PEAK1: variants seen among roughly 807,000 people sequenced by gnomAD.
The protein encoded by PEAK1 is pseudopodium enriched atypical kinase 1.
A neutral mutation model predicts 124.7 loss-of-function variants in PEAK1; 54 were observed. That is an observed-to-expected ratio of 0.43 (90% CI 0.35 to 0.54). PEAK1 has a LOEUF of 0.54. PEAK1 is among the 20% of genes least tolerant of loss of function. The probability of loss-of-function intolerance (pLI) is 0.01; values close to 1 mark genes in which losing one functional copy is unlikely to be tolerated. For missense variants in PEAK1, 2,046 were observed against 2,134.5 expected (o/e 0.96, Z 0.82); for synonymous variants, 719 against 760.0 (o/e 0.95, Z 0.89).
chr15:77,289,723 C>G (rs2063116194), intron 2 of PEAK1, among the ~76,000 whole-genome samples: 1 of 152,072 alleles, frequency 6.6e-6, no homozygotes, highest in South Asian at 2.1e-4. Flanking sequence ...GTAATCCCAG[C>G]TACTCAGGAG....
intron 7 of PEAK1, among the ~76,000 whole-genome samples, chr15:77,166,556 A>C (rs1457905500): frequency 6.6e-6 from 1 of 152,228 alleles, no homozygotes; most frequent in African/African-American, 2.4e-5. Flanking sequence ...GACATTGTCA[A>C]ATGTGCCCCG....
At chr15:77,305,069 G>A (rs2064008229) in intron 2 of PEAK1, among the ~76,000 whole-genome samples, 1 of 151,528 alleles carries the variant, frequency 6.6e-6, no homozygotes, top group Non-Finnish European at 1.5e-5. Flanking sequence ...CTTGAGCCCA[G>A]GAGGTTGAGG....
chr15:77,331,058 T>C (rs917992771), intron 2 of PEAK1: 2 of 834,534 alleles, frequency 2.4e-6, no homozygotes, highest in Non-Finnish European at 2.9e-6. Flanking sequence ...AATTATTGCA[T>C]AGCATTCCAT....
At chr15:77,164,025 C>A (rs1019279004) in intron 7 of PEAK1, among the ~76,000 whole-genome samples, 2 of 152,262 alleles carry the variant, frequency 1.3e-5, no homozygotes, top group African/African-American at 4.8e-5. Context: ...TCAAAGTTAT[C>A]AAATCTCACA....
chr15:77,101,573 T>A (rs373894630), exon 7 of PEAK1: 1 of 152,116 alleles, frequency 6.6e-6, no homozygotes, highest in Non-Finnish European at 1.5e-5. Flanking sequence ...GGAATCCCCA[T>A]CAAAACCAAG....
chr15:77,367,350 G>A (rs2068321744), intron 1 of PEAK1, among the ~76,000 whole-genome samples: 1 of 152,066 alleles, frequency 6.6e-6, no homozygotes, highest in South Asian at 2.1e-4. Context: ...ACAGAAAGTA[G>A]GTAAGTTATT....
At chr15:77,248,733 AAG>A (rs1254665952) in intron 6 of PEAK1, among the ~76,000 whole-genome samples, 2 of 152,240 alleles carry the variant, frequency 1.3e-5, no homozygotes, top group East Asian at 3.8e-4. Flanking sequence ...CCAATGGACT[AAG>A]AATATTAAAA....
intron 2 of PEAK1, among the ~76,000 whole-genome samples, chr15:77,356,181 G>T (rs1445169047): frequency 6.6e-6 from 1 of 152,168 alleles, no homozygotes; most frequent in East Asian, 1.9e-4. Context: ...AATTTTTACA[G>T]CAGAGTAGCT....
At chr15:77,330,777 C>T (rs1386258222) in intron 2 of PEAK1, 2 of 152,676 alleles carry the variant, frequency 1.3e-5, no homozygotes, top group East Asian at 3.8e-4. Flanking sequence ...TGCACCTTAT[C>T]ACCCTACTCT....
intron 6 of PEAK1, among the ~76,000 whole-genome samples, chr15:77,202,626 T>TAC (rs2058420422): frequency 1.3e-5 from 2 of 151,164 alleles, no homozygotes; most frequent in Admixed American, 1.3e-4. Context: ...AAAAAATAGC[T>TAC]GGGCATGGTG....
Position 77,181,365 on chromosome 15 carries a change from A to G in PEAK1, c.562T>C (p.Leu188=). ...CAACTTGGTGGAAGCTTTCTTTCCA[A>G]TGATCGTTTATAGCAATCATTTATT... ...GRINDCYKRS[L]ERKLPPSCMI... The change falls in exon 7 of 10, where the codon TTG becomes CTG. Residue 188 remains leucine, a synonymous_variant. Coordinates refer to ENST00000682557, the MANE Select transcript of PEAK1 (RefSeq NM_001385026.1). 1 of 1,614,084 alleles carries G rather than the reference A, an allele frequency of 6.2e-7. No individual in the cohort carries two copies. The highest frequency in any genetic ancestry group is 8.5e-7 in the Non-Finnish European group (1 of 1,180,008).
chr15:77,409,869 T>C (rs1178256869), intron 1 of PEAK1, among the ~76,000 whole-genome samples: 1 of 152,196 alleles, frequency 6.6e-6, no homozygotes, highest in Non-Finnish European at 1.5e-5. Flanking sequence ...ATTATCCTTA[T>C]TTTACAAATG....
At chr15:77,199,814 G>A (rs1346197550) in intron 6 of PEAK1, among the ~76,000 whole-genome samples, 1 of 152,160 alleles carries the variant, frequency 6.6e-6, no homozygotes, top group Non-Finnish European at 1.5e-5. Flanking sequence ...AGATGAAGAT[G>A]TAGAAGAAGC....
intron 6 of PEAK1, among the ~76,000 whole-genome samples, chr15:77,237,357 G>A (rs1211304245): frequency 1.3e-5 from 2 of 151,470 alleles, no homozygotes; most frequent in Admixed American, 6.6e-5. Context: ...CATATGTAGG[G>A]CTCTTGGCAT....
In PEAK1 at chr15:77,331,342, C is replaced by A. The variant is rs138592171; in HGVS notation, c.-603+33821G>T. ...ACAGGGTTTTGCCATGTTGGCCAGG[C>A]TGGTCTCGAACTCCTGACCTCAGGT... On this transcript the variant is annotated intron_variant, in intron 2 of 9. Transcript: ENST00000682557. 3.7e-3 allele frequency among the ~76,000 whole-genome samples: 567 copies of A among 152,164 alleles called. 6 individuals are homozygous for A. Among genetic ancestry groups the A allele is most frequent in the African/African-American group, 0.012 (517 of 41,518 alleles).
intron 2 of PEAK1, among the ~76,000 whole-genome samples, chr15:77,351,324 G>A (rs2067196375): frequency 1.3e-5 from 2 of 152,182 alleles, no homozygotes; most frequent in Admixed American, 1.3e-4. Context: ...GCAGAAAAGA[G>A]TACTTGCTTG....
intron 7 of PEAK1, 148 bp downstream of exon 7, chr15:77,178,642 T>C (rs965214442): frequency 2.3e-5 from 18 of 780,448 alleles, no homozygotes; most frequent in Non-Finnish European, 3.2e-5. Flanking sequence ...TATTCTAATC[T>C]TGGAATGCAG....
chr15:77,193,637 C>T (rs2057957365), intron 6 of PEAK1, among the ~76,000 whole-genome samples: 1 of 152,152 alleles, frequency 6.6e-6, no homozygotes, highest in South Asian at 2.1e-4. Context: ...AACCCCGTCT[C>T]TACTAAAAAT....
chr15:77,246,254 G>T (rs1364023541), intron 6 of PEAK1, among the ~76,000 whole-genome samples: 4 of 152,124 alleles, frequency 2.6e-5, no homozygotes, highest in Admixed American at 6.5e-5. Flanking sequence ...TGATCCGCCT[G>T]CCTCGGCCTC....
Sources: allele counts gnomAD v4.1 joint callset (sites outside exome capture counted in the v4.1 genomes callset), GRCh38; gene constraint gnomAD v4.1.1; transcripts MANE v1.5; gene names NCBI Gene and HGNC (gene_info 2026-07-23, HGNC 2026-07-21).